R3HCC1L: variants seen among roughly 807,000 people sequenced by gnomAD.
R3HCC1L encodes the protein R3H domain and coiled-coil containing 1 like, also known as coiled-coil domain-containing protein R3HCC1L.
A neutral mutation model predicts 59.9 loss-of-function variants in R3HCC1L; 51 were observed. That is an observed-to-expected ratio of 0.85 (90% confidence interval 0.68 to 1.07). R3HCC1L has a LOEUF of 1.07. R3HCC1L is among the 50% of genes least tolerant of loss of function. The pLI, the probability that R3HCC1L is intolerant of heterozygous loss-of-function variation, is 0.00. For missense variants in R3HCC1L, 965 were observed against 933.0 expected, an observed-to-expected ratio of 1.03 and a Z score of -0.45; for synonymous variants, 322 against 315.2, an observed-to-expected ratio of 1.02 and a Z score of -0.23.
chr10:98,206,274 T>C (rs904401613), intron 4 of R3HCC1L, among the ~76,000 whole-genome samples: 1 of 151,886 alleles, frequency 6.6e-6, no homozygotes, highest in Non-Finnish European at 1.5e-5. Flanking sequence ...CTTTAGATCT[T>C]TCTTTATGCA....
At position 98,200,397 on chromosome 10, in the gene R3HCC1L, G is replaced by A. The variant is rs927630674; in HGVS notation, c.-14-7704G>A. Among the ~76,000 whole-genome samples, 7 of 152,066 alleles carry A rather than the reference G, an allele frequency of 4.6e-5. 1 individual carries two copies. Among genetic ancestry groups the A allele is most frequent in the African/African-American group, 7.2e-5 (3 of 41,416 alleles). On this transcript the variant is annotated intron_variant, in intron 4 of 9. Coordinates refer to ENST00000298999, the MANE Select transcript of R3HCC1L (RefSeq NM_001351015.2). ...AGTGTATCATAAGGGCCTTGACTCCGTCTGCAAACTTGTAACTTAAGGGAT... is the reference window on the plus strand; with the variant it reads ...AGTGTATCATAAGGGCCTTGACTCCATCTGCAAACTTGTAACTTAAGGGAT...
At chr10:98,188,676 A>G (rs1418665120) in intron 4 of R3HCC1L, among the ~76,000 whole-genome samples, 1 of 152,190 alleles carries the variant, frequency 6.6e-6, no homozygotes, top group Admixed American at 6.5e-5. Context: ...AACATTAAGT[A>G]ATTGATATAG....
In R3HCC1L at chr10:98,208,179, C is replaced by G. The variant is rs1401689513; in HGVS notation, c.65C>G (p.Pro22Arg). The change falls in exon 5 of 10, where the codon CCT becomes CGT. Residue 22 changes from proline to arginine, a missense_variant. Pro to Arg is a moderately radical substitution (Grantham distance 103). Coordinates refer to ENST00000298999, the MANE Select transcript of R3HCC1L (RefSeq NM_001351015.2). ...AGGCCTGACATGGCACTTTATGTAC[C>G]TAAAGCTCGTAGGGGTGCAGTACTC... ...ARRPDMALYVPKARRGAVLLK... is the reference protein window; with the variant it reads ...ARRPDMALYVRKARRGAVLLK... 1 of 1,613,582 alleles carries G rather than the reference C, an allele frequency of 6.2e-7. No individual in the cohort carries two copies. Among genetic ancestry groups the G allele is most frequent in the Admixed American group, 1.7e-5 (1 of 59,948 alleles).
intron 1 of R3HCC1L, among the ~76,000 whole-genome samples, chr10:98,152,298 A>C (rs1038215435): frequency 3.5e-4 from 54 of 152,218 alleles, no homozygotes; most frequent in African/African-American, 1.1e-3. Context: ...CATCTCGGCT[A>C]GCTACGACCT....
At chr10:98,142,806 G>C (rs1845285604) in intron 1 of R3HCC1L, among the ~76,000 whole-genome samples, 1 of 152,090 alleles carries the variant, frequency 6.6e-6, no homozygotes, top group Non-Finnish European at 1.5e-5. Context: ...CTGGCGACAT[G>C]TGCCTGTAGT....
At chr10:98,148,910 T>G (rs1017746424) in intron 1 of R3HCC1L, among the ~76,000 whole-genome samples, 19 of 152,170 alleles carry the variant, frequency 1.2e-4, no homozygotes, top group African/African-American at 4.6e-4. Context: ...AAGTATTCCC[T>G]CTCCTTCAGT....
chr10:98,209,658 C>G lies in R3HCC1L; in HGVS notation c.1544C>G (p.Thr515Arg). The G allele has an allele frequency of 4.3e-6, 7 of 1,613,960 alleles. No homozygotes were observed. The highest frequency in any genetic ancestry group is 5.9e-6 in the Non-Finnish European group (7 of 1,179,930). ...ATTGACCTGGGTAGTACTGGTGATA[C>G]AACAGAAGCATTGCACGAACTAAGA... ...VGIDLGSTGD[T>R]TEALHELRTA... Residue 515 changes from threonine to arginine, a missense_variant, in exon 5 of 10, where the codon ACA (threonine) becomes AGA (arginine). Thr to Arg is a moderately conservative substitution (Grantham distance 71, BLOSUM62 -1). Transcript: ENST00000298999.
chr10:98,136,300 G>A (rs895126103), intron 1 of R3HCC1L, among the ~76,000 whole-genome samples: 1 of 152,164 alleles, frequency 6.6e-6, no homozygotes, highest in Non-Finnish European at 1.5e-5. Context: ...CATTAGCTTA[G>A]TGTACAAATT....
chr10:98,198,452 G>T (rs1399959776), intron 4 of R3HCC1L, among the ~76,000 whole-genome samples: 2 of 151,368 alleles, frequency 1.3e-5, no homozygotes, highest in Admixed American at 1.3e-4. Flanking sequence ...TGATAGTGTA[G>T]TGAAACCAAG....
chr10:98,197,346 T>G (rs549931418), intron 4 of R3HCC1L, among the ~76,000 whole-genome samples: 1 of 152,330 alleles, frequency 6.6e-6, no homozygotes, highest in African/African-American at 2.4e-5. Context: ...CCCTGATAAT[T>G]TATGTGTCTC....
intron 4 of R3HCC1L, among the ~76,000 whole-genome samples, chr10:98,165,557 C>A (rs1847863310): frequency 6.6e-6 from 1 of 152,178 alleles, no homozygotes; most frequent in South Asian, 2.1e-4. Context: ...TCCGCTGTTA[C>A]TGTTTTTATA....
intron 4 of R3HCC1L, among the ~76,000 whole-genome samples, chr10:98,204,743 C>A (rs568335758): frequency 1.3e-5 from 2 of 151,978 alleles, no homozygotes; most frequent in African/African-American, 4.8e-5. Flanking sequence ...AACAATATTA[C>A]GTATCGTTAT....
chr10:98,157,484 C>T (rs138677806), intron 2 of R3HCC1L, among the ~76,000 whole-genome samples: 5 of 152,322 alleles, frequency 3.3e-5, no homozygotes, highest in African/African-American at 9.6e-5. Flanking sequence ...ATCTCAGGAT[C>T]GCTCCTTTCA....
At chr10:98,154,292 C>T (rs992606409) in intron 1 of R3HCC1L, among the ~76,000 whole-genome samples, 3 of 151,496 alleles carry the variant, frequency 2.0e-5, no homozygotes, top group African/African-American at 7.3e-5. Context: ...GTGTATCCAG[C>T]GTGTACACGT....
intron 2 of R3HCC1L, 96 bp from the exon 3 acceptor site, chr10:98,162,787 T>A (rs943004508): frequency 5.2e-5 from 8 of 152,418 alleles, no homozygotes; most frequent in African/African-American, 1.9e-4. Context: ...AGCCTCGACC[T>A]GCTGGGCTCA....
At chr10:98,136,976 C>T (rs1459274180) in intron 1 of R3HCC1L, among the ~76,000 whole-genome samples, 3 of 151,978 alleles carry the variant, frequency 2.0e-5, no homozygotes, top group African/African-American at 7.3e-5. Context: ...TTTGGGAGGC[C>T]GACGTGGGCA....
At chr10:98,198,272 A>G (rs966593782) in intron 4 of R3HCC1L, among the ~76,000 whole-genome samples, 3 of 152,040 alleles carry the variant, frequency 2.0e-5, no homozygotes, top group African/African-American at 7.2e-5. Context: ...ATTTGCTTGT[A>G]TCACTTAATA....
chr10:98,159,259 G>A (rs944114696), intron 2 of R3HCC1L, among the ~76,000 whole-genome samples: 1 of 152,186 alleles, frequency 6.6e-6, no homozygotes, highest in Non-Finnish European at 1.5e-5. Context: ...CATATCAGGA[G>A]GCACAAGATG....
chr10:98,164,724 T>C (rs1274746685), intron 4 of R3HCC1L, among the ~76,000 whole-genome samples: 1 of 152,062 alleles, frequency 6.6e-6, no homozygotes, highest in African/African-American at 2.4e-5. Context: ...CTGTGAATTG[T>C]TGGGCAGCAG....
Sources: gnomAD v4.1 joint callset for allele counts (sites outside exome capture counted in the v4.1 genomes callset) on GRCh38, gnomAD v4.1.1 for gene constraint, MANE v1.5 for transcripts, NCBI Gene and HGNC (gene_info 2026-07-23, HGNC 2026-07-21) for gene names.